Variants in TBC1D4 observed in about 807,000 individuals in gnomAD.
TBC1D4 encodes TBC1 domain family member 4.
A neutral mutation model predicts 142.5 loss-of-function variants in TBC1D4; 121 were observed. That is an observed-to-expected ratio of 0.85 (90% CI 0.73 to 0.99). The LOEUF is 0.99. Among genes scored for constraint, TBC1D4 ranks in the 50% least tolerant of loss-of-function variants. The pLI is 0.00. For missense variants in TBC1D4, 1,475 were observed against 1,606.6 expected, an observed-to-expected ratio of 0.92 and a Z score of 1.40; for synonymous variants, 630 against 628.2, an observed-to-expected ratio of 1.00 and a Z score of -0.04.
At chr13:75,342,134 T>G (rs567059) in intron 5 of TBC1D4, among the ~76,000 whole-genome samples, 1 of 152,050 alleles carries the variant, frequency 6.6e-6, no homozygotes, top group Non-Finnish European at 1.5e-5. Flanking sequence ...GAGGCAGAGG[T>G]TGCAGTGAGC....
rs143721820 is a variant in TBC1D4 at position 75,469,986 on chromosome 13, G to A, written c.498+11284C>T. Among the ~76,000 whole-genome samples, 8 of 152,258 alleles carry A rather than the reference G, an allele frequency of 5.3e-5. No homozygotes were observed. In the East Asian group the frequency reaches 5.8e-4, roughly 11 times the overall value. On this transcript the variant is annotated intron_variant, in intron 1 of 20. Coordinates refer to ENST00000377636, the MANE Select transcript of TBC1D4 (RefSeq NM_014832.5). The stretch of plus-strand genomic sequence containing the variant: ...GGCTATAGTAACAAATGTGGAAGCC[G>A]TCAACAAAAAATTTTTAAGTAGGTT...
At chr13:75,352,327 C>T (rs1240855934) in intron 4 of TBC1D4, among the ~76,000 whole-genome samples, 1 of 151,936 alleles carries the variant, frequency 6.6e-6, no homozygotes, top group Non-Finnish European at 1.5e-5. Flanking sequence ...AATGAAATAC[C>T]ATGCTTATTT....
rs79531496 is a variant in TBC1D4 at position 75,419,746 on chromosome 13, A to C, written c.499-57139T>G. Among the ~76,000 whole-genome samples the C allele has an allele frequency of 9.9e-3, 1,514 of 152,296 alleles. 25 individuals carry two copies. Among genetic ancestry groups the C allele is most frequent in the African/African-American group, 0.034 (1,401 of 41,552 alleles). On this transcript the variant is annotated intron_variant, in intron 1 of 20. Coordinates refer to ENST00000377636, the MANE Select transcript of TBC1D4 (RefSeq NM_014832.5). ...GGAACTCACAAATTGTATTAAATCA[A>C]AAAATCTTCGCTGAGTGCTTACCAT...
intron 1 of TBC1D4, among the ~76,000 whole-genome samples, chr13:75,448,148 G>A (rs1246587995): frequency 6.6e-6 from 1 of 152,128 alleles, no homozygotes; most frequent in African/African-American, 2.4e-5. Context: ...AATCACTCTT[G>A]TATTCATGCT....
At chr13:75,358,826 T>G (rs1882275417) in intron 3 of TBC1D4, among the ~76,000 whole-genome samples, 2 of 152,066 alleles carry the variant, frequency 1.3e-5, no homozygotes, top group Non-Finnish European at 2.9e-5. Flanking sequence ...ATCACGCCAC[T>G]GCAATCCAGC....
At chr13:75,413,016 G>A (rs181542615) in intron 1 of TBC1D4, among the ~76,000 whole-genome samples, 23 of 152,280 alleles carry the variant, frequency 1.5e-4, no homozygotes, top group African/African-American at 5.5e-4. Flanking sequence ...TTACCTTCCA[G>A]TGGGGGAAAC....
intron 1 of TBC1D4, among the ~76,000 whole-genome samples, chr13:75,401,548 T>A (rs777179556): frequency 6.6e-6 from 1 of 152,216 alleles, no homozygotes; most frequent in Non-Finnish European, 1.5e-5. Context: ...TTCTTTCCTA[T>A]CAAGAATTAT....
rs991053740 is a variant in TBC1D4, at chr13:75,283,530, A to T, written c.*3262T>A. Among the ~76,000 whole-genome samples, 5 of 152,374 alleles carry T rather than the reference A, an allele frequency of 3.3e-5. No individual in the cohort carries two copies. The highest frequency in any genetic ancestry group is 1.2e-4 in the African/African-American group (5 of 41,598). On this transcript the variant is annotated 3_prime_UTR_variant, in exon 21 of 21. Transcript: ENST00000377636. ...TATTTTTATTGGATTACAAATATAC[A>T]TGAGAATACTCCAAGAGATGCATAT...
intron 11 of TBC1D4, 97 bp downstream of exon 11, chr13:75,324,140 T>TA: frequency 7.1e-7 from 1 of 1,404,318 alleles, no homozygotes; most frequent in Non-Finnish European, 1.0e-6. Context: ...CAGGGATGCA[T>TA]AAATGTCACT....
chr13:75,324,220 G>T lies in TBC1D4; in HGVS notation c.2198+17C>A. 1 of 1,613,602 alleles carries T rather than the reference G, an allele frequency of 6.2e-7. No individual in the cohort carries two copies. The highest frequency in any genetic ancestry group is 1.1e-5 in the South Asian group (1 of 91,058). On this transcript the variant is annotated intron_variant, in intron 11 of 20. Coordinates refer to ENST00000377636, the MANE Select transcript of TBC1D4 (RefSeq NM_014832.5). Reference sequence around the variant, plus strand: ...TGCAGAAAATTTTGCTTTGCAAACAGAGGACACTGATCTCACCTGATTTCA... The same window carrying T: ...TGCAGAAAATTTTGCTTTGCAAACATAGGACACTGATCTCACCTGATTTCA...
chr13:75,440,633 A>T (rs1324509033), intron 1 of TBC1D4, among the ~76,000 whole-genome samples: 1 of 151,756 alleles, frequency 6.6e-6, no homozygotes, highest in African/African-American at 2.4e-5. Context: ...GGCTCACTGT[A>T]ACCTTGAGCT....
At chr13:75,382,640 T>C (rs925276152) in intron 1 of TBC1D4, among the ~76,000 whole-genome samples, 1 of 152,210 alleles carries the variant, frequency 6.6e-6, no homozygotes, top group African/African-American at 2.4e-5. Flanking sequence ...ACAAACTGTA[T>C]GTGAATTTTG....
At chr13:75,410,011 A>T (rs565203992) in intron 1 of TBC1D4, among the ~76,000 whole-genome samples, 1 of 152,198 alleles carries the variant, frequency 6.6e-6, no homozygotes, top group Admixed American at 6.5e-5. Context: ...AAATTTGTTT[A>T]TCTTAACCAA....
chr13:75,304,974 A>C (rs1362738613), intron 15 of TBC1D4, among the ~76,000 whole-genome samples: 1 of 152,226 alleles, frequency 6.6e-6, no homozygotes, highest in Admixed American at 6.5e-5. Context: ...CTGTGTCCCC[A>C]CCCAAATCTC....
chr13:75,313,688 T>C (rs1878009519), intron 12 of TBC1D4, among the ~76,000 whole-genome samples: 1 of 151,912 alleles, frequency 6.6e-6, no homozygotes, highest in Admixed American at 6.5e-5. Context: ...CACCTGGCTA[T>C]TTTTTTAAAA....
At chr13:75,294,155 A>G (rs1346726401) in intron 18 of TBC1D4, among the ~76,000 whole-genome samples, 1 of 152,214 alleles carries the variant, frequency 6.6e-6, no homozygotes, top group Non-Finnish European at 1.5e-5. Context: ...AGACTAGTAT[A>G]AAGACTTGTG....
chr13:75,362,179 C>T lies in TBC1D4; in HGVS notation c.927G>A (p.Gln309=). ...TGCTGCACCGAGACCGAAACTCCTG[C>T]TGCTCATCAAAGCCAGAATCTTCCA... is the stretch of plus-strand genomic sequence containing the variant. ...RILEDSGFDE[Q]QEFRSRCSSV... Residue 309 remains glutamine, a synonymous_variant, in exon 2 of 21, where the codon CAG becomes CAA. Transcript: ENST00000377636. The surrounding 1 kb of genome is among the most constrained non-coding windows in gnomAD (Gnocchi z 4.2). The T allele has an allele frequency of 6.2e-7, 1 of 1,613,728 alleles. No homozygotes were observed. Among genetic ancestry groups the T allele is most frequent in the Non-Finnish European group, 8.5e-7 (1 of 1,180,028 alleles).
chr13:75,416,630 C>G (rs1885929652), intron 1 of TBC1D4, among the ~76,000 whole-genome samples: 4 of 152,198 alleles, frequency 2.6e-5, no homozygotes, highest in Admixed American at 2.6e-4. Flanking sequence ...ACCCTGGAAA[C>G]CTATTTGATC....
chr13:75,287,658 T>G (rs1008463833), intron 20 of TBC1D4, among the ~76,000 whole-genome samples: 1 of 152,204 alleles, frequency 6.6e-6, no homozygotes, highest in Non-Finnish European at 1.5e-5. Context: ...TTGCCCTTTT[T>G]TGAATAGAAA....
Sources: allele counts gnomAD v4.1 joint callset (sites outside exome capture counted in the v4.1 genomes callset), GRCh38; gene constraint gnomAD v4.1.1; non-coding constraint Gnocchi (gnomAD v3.1); transcripts MANE v1.5; gene names NCBI Gene and HGNC (gene_info 2026-07-23, HGNC 2026-07-21).